Variants in FHOD3 observed in about 807,000 individuals in gnomAD.
FHOD3 encodes the protein formin homology 2 domain containing 3.
FHOD3 carries 90 observed loss-of-function variants against 173.0 expected under a neutral mutation model. The observed-to-expected ratio is 0.52, with a 90% CI of 0.44 to 0.62. The LOEUF is 0.62. Among genes scored for constraint, FHOD3 ranks in the 20% least tolerant of loss-of-function variants. The pLI is 0.00. For missense variants in FHOD3, 1,945 were observed against 2,034.7 expected, an observed-to-expected ratio of 0.96 and a Z score of 0.85; for synonymous variants, 828 against 823.0, an observed-to-expected ratio of 1.01 and a Z score of -0.10.
chr18:36,595,942 C>G (rs12962575), intron 7 of FHOD3, among the ~76,000 whole-genome samples: 37,602 of 152,004 alleles, frequency 0.25, 5,294 homozygotes, highest in East Asian at 0.37. Flanking sequence ...ATCATAAAAA[C>G]TTGGGAAAAG....
chr18:36,728,809 T>C (rs1442798097), intron 19 of FHOD3, among the ~76,000 whole-genome samples: 1 of 152,108 alleles, frequency 6.6e-6, no homozygotes, highest in African/African-American at 2.4e-5. Context: ...GCCCCTGCTT[T>C]AGAGAACAAG....
At chr18:36,627,345 T>G (rs962308755) in intron 10 of FHOD3, among the ~76,000 whole-genome samples, 4 of 152,182 alleles carry the variant, frequency 2.6e-5, no homozygotes, top group Non-Finnish European at 4.4e-5. Flanking sequence ...TCATCATGTT[T>G]GTTCCTTGTC....
At chr18:36,767,153 A>G (rs1678156816) in intron 27 of FHOD3, among the ~76,000 whole-genome samples, 3 of 152,150 alleles carry the variant, frequency 2.0e-5, no homozygotes, top group African/African-American at 7.2e-5. Flanking sequence ...AAAAGAGTCT[A>G]TTTTTTAAAG....
At chr18:36,506,595 G>T (rs142064741) in intron 4 of FHOD3, among the ~76,000 whole-genome samples, 10 of 152,262 alleles carry the variant, frequency 6.6e-5, no homozygotes, top group Non-Finnish European at 1.5e-4. Context: ...TGGTGAAGAG[G>T]CCCCAGTTGT....
chr18:36,373,974 A>G (rs2047315786), intron 3 of FHOD3, among the ~76,000 whole-genome samples: 1 of 152,240 alleles, frequency 6.6e-6, no homozygotes, highest in South Asian at 2.1e-4. Context: ...GGCACGTAAC[A>G]TGTACTGAAC....
chr18:36,437,153 C>T (rs998079469), intron 3 of FHOD3, among the ~76,000 whole-genome samples: 1 of 152,176 alleles, frequency 6.6e-6, no homozygotes, highest in African/African-American at 2.4e-5. Flanking sequence ...GGGTCTCACT[C>T]TGTCACCAGG....
chr18:36,612,242 C>T (rs778627877), intron 9 of FHOD3, 147 bp downstream of exon 9: 153 of 811,166 alleles, frequency 1.9e-4, no homozygotes, highest in Non-Finnish European at 2.7e-4. Flanking sequence ...CCCAGACCTA[C>T]TGAATCAGAA....
chr18:36,331,466 A>C (rs2045007472), intron 1 of FHOD3, among the ~76,000 whole-genome samples: 1 of 152,246 alleles, frequency 6.6e-6, no homozygotes, highest in Non-Finnish European at 1.5e-5. Context: ...TATTAGGGGC[A>C]GTTCTTCTGC....
chr18:36,755,448 T>TA (rs2042594439), intron 25 of FHOD3, 137 bp downstream of exon 25: 1 of 656,824 alleles, frequency 1.5e-6, no homozygotes, highest in Admixed American at 3.8e-5. Context: ...TTATCTCTTT[T>TA]AAAAAGTGCT....
chr18:36,380,541 CTCTT>C (rs1278140907), intron 3 of FHOD3, among the ~76,000 whole-genome samples: 2 of 127,548 alleles, frequency 1.6e-5, no homozygotes, highest in African/African-American at 6.5e-5. Context: ...CCCTTTCTCT[CTCTT>C]TCTTTTGTTT....
intron 3 of FHOD3, among the ~76,000 whole-genome samples, chr18:36,378,271 A>AAAATAT (rs1367204374): frequency 6.6e-6 from 1 of 152,154 alleles, no homozygotes; most frequent in Non-Finnish European, 1.5e-5. Flanking sequence ...AATAAAAATA[A>AAAATAT]AAAACCTCCT....
At chr18:36,732,890 C>G (rs1470386561) in intron 20 of FHOD3, among the ~76,000 whole-genome samples, 2 of 152,238 alleles carry the variant, frequency 1.3e-5, no homozygotes, top group Admixed American at 1.3e-4. Flanking sequence ...GAGACTTACA[C>G]TGACATAGAT....
intron 16 of FHOD3, among the ~76,000 whole-genome samples, chr18:36,692,328 G>C (rs2039016126): frequency 1.3e-5 from 2 of 152,354 alleles, no homozygotes; most frequent in Non-Finnish European, 2.9e-5. Flanking sequence ...TGAGTAAGCT[G>C]TTCCAAAGTT....
intron 14 of FHOD3, among the ~76,000 whole-genome samples, chr18:36,658,541 C>T (rs1451929812): frequency 6.6e-6 from 1 of 152,164 alleles, no homozygotes; most frequent in Non-Finnish European, 1.5e-5. Flanking sequence ...CAGTTTTCAC[C>T]ATTGAATGAT....
intron 1 of FHOD3, among the ~76,000 whole-genome samples, chr18:36,302,033 G>C (rs2091967542): frequency 6.6e-6 from 1 of 152,198 alleles, no homozygotes; most frequent in South Asian, 2.1e-4. Context: ...TGATACTGTT[G>C]CAGCTCATAG....
Position 36,718,725 on chromosome 18 carries a change from G to T in FHOD3, c.3417+10G>T. ...ACTGTCTGTCTCAAAGGTACTGCTAGTCTTCAGCATGCTTCTTGATTGGAA... is the reference window on the plus strand; with the variant it reads ...ACTGTCTGTCTCAAAGGTACTGCTATTCTTCAGCATGCTTCTTGATTGGAA... On this transcript the variant is annotated intron_variant, in intron 19 of 28. Transcript: ENST00000590592. The T allele has an allele frequency of 6.2e-7, 1 of 1,606,590 alleles. No individual in the cohort carries two copies. Among genetic ancestry groups the T allele is most frequent in the Non-Finnish European group, 8.5e-7 (1 of 1,175,490 alleles).
chr18:36,467,733 A>G (rs2053028273), intron 3 of FHOD3, among the ~76,000 whole-genome samples: 1 of 152,204 alleles, frequency 6.6e-6, no homozygotes, highest in Non-Finnish European at 1.5e-5. Context: ...CACACACGGC[A>G]TCCTAGCAGT....
chr18:36,484,922 GC>G (rs1257002047), intron 3 of FHOD3, among the ~76,000 whole-genome samples: 2 of 152,104 alleles, frequency 1.3e-5, no homozygotes, highest in African/African-American at 2.4e-5. Flanking sequence ...CTGTTACTGT[GC>G]CCCCCACCCT....
intron 9 of FHOD3, among the ~76,000 whole-genome samples, chr18:36,616,085 C>T (rs1003991199): frequency 5.9e-5 from 9 of 152,184 alleles, no homozygotes; most frequent in Admixed American, 5.9e-4. Flanking sequence ...AGTATGTTCT[C>T]ATGGCTCCTA....
Sources: gnomAD v4.1 joint callset for allele counts (sites outside exome capture counted in the v4.1 genomes callset) on GRCh38, gnomAD v4.1.1 for gene constraint, MANE v1.5 for transcripts, NCBI Gene and HGNC (gene_info 2026-07-23, HGNC 2026-07-21) for gene names.